The following OPHN1 variants were observed in gnomAD, a reference collection of about 807,000 sequenced individuals.
OPHN1 encodes oligophrenin 1.
Under a neutral mutation model 60.7 loss-of-function variants are expected in OPHN1, and 11 were observed. The observed-to-expected ratio is 0.18, with a 90% CI of 0.11 to 0.30. The LOEUF is 0.30. Among genes scored for constraint, OPHN1 ranks in the 10% least tolerant of loss-of-function variants. The pLI is 1.00. For missense variants in OPHN1, 449 were observed against 611.0 expected (o/e 0.73, Z 2.80); for synonymous variants, 226 against 222.6 (o/e 1.02, Z -0.14).
chrX:68,359,983 G>C (rs1408387733), intron 2 of OPHN1, among the ~76,000 whole-genome samples: 2 of 109,338 alleles, frequency 1.8e-5, no homozygotes, highest in Non-Finnish European at 3.8e-5. Context: ...TAACCCCTCT[G>C]TTCCTCAGCT....
chrX:68,099,199 T>C (rs1220050695), intron 18 of OPHN1, among the ~76,000 whole-genome samples: 1 of 111,755 alleles, frequency 8.9e-6, no homozygotes, highest in Non-Finnish European at 1.9e-5. Context: ...CTTTTTATTA[T>C]ATATTTTGAA....
chrX:68,366,345 T>C (rs1160418782), intron 2 of OPHN1, among the ~76,000 whole-genome samples: 1 of 111,100 alleles, frequency 9.0e-6, no homozygotes, highest in Non-Finnish European at 1.9e-5. Flanking sequence ...TTTTTCTAAA[T>C]TGAGACAGGG....
At chrX:68,396,783 C>T (rs2078686968) in intron 2 of OPHN1, among the ~76,000 whole-genome samples, 1 of 111,117 alleles carries the variant, frequency 9.0e-6, no homozygotes, top group Non-Finnish European at 1.9e-5. Context: ...CCACTGCACT[C>T]CAGCCTGGGC....
At chrX:68,105,357 C>T (rs1008867670) in intron 18 of OPHN1, among the ~76,000 whole-genome samples, 35 of 110,339 alleles carry the variant, frequency 3.2e-4, no homozygotes, top group Non-Finnish European at 3.2e-4. Context: ...CACATGTACA[C>T]GTATGTTTAT....
chrX:68,091,296 G>C (rs907375709), intron 19 of OPHN1, among the ~76,000 whole-genome samples: 1 of 111,833 alleles, frequency 8.9e-6, no homozygotes, highest in African/African-American at 3.3e-5. Flanking sequence ...TACAGGGGCA[G>C]AACCACTGCT....
intron 15 of OPHN1, among the ~76,000 whole-genome samples, chrX:68,154,329 G>A (rs2077298767): frequency 8.9e-6 from 1 of 112,415 alleles, no homozygotes; most frequent in Non-Finnish European, 1.9e-5. Flanking sequence ...CTAGATTCCA[G>A]AGCCCCTTTC....
chrX:68,237,830 G>A (rs1569254178), intron 5 of OPHN1, among the ~76,000 whole-genome samples: 1 of 111,866 alleles, frequency 8.9e-6, no homozygotes, highest in African/African-American at 3.2e-5. Context: ...TCTGCAAATA[G>A]AGATAGATTT....
intron 6 of OPHN1, among the ~76,000 whole-genome samples, chrX:68,225,211 C>T (rs1310374189): frequency 8.9e-6 from 1 of 111,898 alleles, no homozygotes; most frequent in African/African-American, 3.2e-5. Flanking sequence ...AGTAGGTAAA[C>T]AAAGCAGCTG....
intron 6 of OPHN1, among the ~76,000 whole-genome samples, chrX:68,214,904 C>T (rs776506876): frequency 9.0e-6 from 1 of 111,381 alleles, no homozygotes; most frequent in South Asian, 3.8e-4. Context: ...AGCTGAGGCA[C>T]GAGGCTCACT....
intron 15 of OPHN1, among the ~76,000 whole-genome samples, chrX:68,125,168 A>G (rs1419441983): frequency 9.0e-6 from 1 of 111,669 alleles, no homozygotes; most frequent in Non-Finnish European, 1.9e-5. Flanking sequence ...AATGTAATAT[A>G]CTAAAACGTA....
At chrX:68,343,227 T>G (rs1167711578) in intron 2 of OPHN1, among the ~76,000 whole-genome samples, 2 of 98,181 alleles carry the variant, frequency 2.0e-5, no homozygotes, top group Non-Finnish European at 4.0e-5. Flanking sequence ...TGAGTCGAGA[T>G]CATGCCATTG....
At chrX:68,275,249 A>G (rs2077987041) in intron 4 of OPHN1, among the ~76,000 whole-genome samples, 2 of 112,337 alleles carry the variant, frequency 1.8e-5, no homozygotes, top group African/African-American at 6.5e-5. Flanking sequence ...TGCCTGTGCC[A>G]TAAAACCAGA....
At chrX:68,279,101 CTTTTTTTTTTTTTTTTT>C (rs984725368) in intron 4 of OPHN1, among the ~76,000 whole-genome samples, 331 of 21,810 alleles carry the variant, frequency 0.015, 1 homozygote, top group South Asian at 0.049. Context: ...CTCCCCCGCT[CTTTTTTTTTTTTTTTTT>C]TTTTTTTTTT....
intron 2 of OPHN1, among the ~76,000 whole-genome samples, chrX:68,429,665 G>A (rs927203342): frequency 9.0e-6 from 1 of 111,400 alleles, no homozygotes; most frequent in African/African-American, 3.3e-5. Context: ...AGAGGTGACA[G>A]TGAGCTATGA....
chrX:68,360,153 A>G (rs2078464614), intron 2 of OPHN1, among the ~76,000 whole-genome samples: 1 of 110,986 alleles, frequency 9.0e-6, no homozygotes, highest in Non-Finnish European at 1.9e-5. Flanking sequence ...CTCAACTCTT[A>G]AAATGAGTGG....
intron 2 of OPHN1, among the ~76,000 whole-genome samples, chrX:68,414,391 T>C (rs1319131232): frequency 1.8e-5 from 2 of 111,728 alleles, no homozygotes; most frequent in Non-Finnish European, 3.8e-5. Context: ...ATGAGAAATA[T>C]GCACTCATAT....
rs148166465 is a variant in OPHN1 at position 68,287,813 on chromosome X, G to A, written c.251-4696C>T. On this transcript the variant is annotated intron_variant, in intron 3 of 24. Coordinates refer to ENST00000355520, the MANE Select transcript of OPHN1 (RefSeq NM_002547.3). The stretch of plus-strand genomic sequence containing the variant: ...CTGTTTTGTTGCAAAATTTTGGTTC[G>A]TTTTTGGAGTTTTAAAAAAGTTGAT... 3.7e-4 allele frequency among the ~76,000 whole-genome samples: 41 copies of A among 111,814 alleles called. 1 individual carries two copies. In the South Asian group the frequency reaches 0.013, roughly 36 times the overall value.
intron 2 of OPHN1, among the ~76,000 whole-genome samples, chrX:68,316,388 T>C (rs72627693): frequency 0.046 from 5,178 of 111,874 alleles, 145 homozygotes; most frequent in South Asian, 0.17. Flanking sequence ...GTCCATGATA[T>C]ATTACTGATA....
At chrX:68,123,187 C>T (rs1036326860) in intron 15 of OPHN1, among the ~76,000 whole-genome samples, 3 of 111,146 alleles carry the variant, frequency 2.7e-5, no homozygotes, top group Admixed American at 1.9e-4. Flanking sequence ...ACATAAAGTG[C>T]TGAAGAAGAA....
Sources: allele counts gnomAD v4.1 joint callset (sites outside exome capture counted in the v4.1 genomes callset), GRCh38; gene constraint gnomAD v4.1.1; transcripts MANE v1.5; gene names NCBI Gene and HGNC (gene_info 2026-07-23, HGNC 2026-07-21).